Variants in SPHKAP observed in about 807,000 individuals in gnomAD.
The protein encoded by SPHKAP is A-kinase anchor protein SPHKAP.
Under a neutral mutation model 137.5 loss-of-function variants are expected in SPHKAP, and 67 were observed. The ratio of observed to expected loss-of-function variants is 0.49; its 90% CI spans 0.40 to 0.60. The LOEUF is 0.60. Ranked by LOEUF, SPHKAP falls within the 20% of genes least tolerant of loss-of-function variation. SPHKAP has a pLI of 0.00. For missense variants in SPHKAP, 2,097 were observed against 2,069.3 expected, an observed-to-expected ratio of 1.01 and a Z score of -0.26; for synonymous variants, 813 against 785.3, an observed-to-expected ratio of 1.04 and a Z score of -0.59.
intron 11 of SPHKAP, among the ~76,000 whole-genome samples, chr2:227,987,566 A>G (rs939341685): frequency 6.6e-6 from 1 of 152,192 alleles, no homozygotes; most frequent in Non-Finnish European, 1.5e-5. Context: ...AATTAGATAA[A>G]ACACAAGTGA....
chr2:228,114,887 G>T (rs1574862301), intron 2 of SPHKAP, among the ~76,000 whole-genome samples: 2 of 152,228 alleles, frequency 1.3e-5, no homozygotes, highest in South Asian at 4.1e-4. Flanking sequence ...TCTAGAGAAA[G>T]AACAAGCACT....
chr2:227,987,817 T>A (rs1469346438), intron 11 of SPHKAP, among the ~76,000 whole-genome samples: 1 of 152,174 alleles, frequency 6.6e-6, no homozygotes, highest in African/African-American at 2.4e-5. Flanking sequence ...GCAAGAAGGT[T>A]AGTAAATTGG....
At chr2:228,096,911 T>TG (rs1559171720) in intron 3 of SPHKAP, among the ~76,000 whole-genome samples, 1 of 152,250 alleles carries the variant, frequency 6.6e-6, no homozygotes, top group African/African-American at 2.4e-5. Context: ...ACATACATCC[T>TG]GGGGGTGTCA....
intron 3 of SPHKAP, among the ~76,000 whole-genome samples, chr2:228,038,875 C>G (rs1406736758): frequency 6.6e-6 from 1 of 152,178 alleles, no homozygotes; most frequent in Non-Finnish European, 1.5e-5. Flanking sequence ...AGTCAATAAA[C>G]AGTTTTCTTC....
At chr2:228,121,336 C>A (rs993142732) in intron 2 of SPHKAP, among the ~76,000 whole-genome samples, 1 of 151,972 alleles carries the variant, frequency 6.6e-6, no homozygotes, top group East Asian at 1.9e-4. Context: ...ATTGTGAAAC[C>A]CTGTCTCTAC....
chr2:228,036,679 T>A (rs866616563), intron 3 of SPHKAP, among the ~76,000 whole-genome samples: 8 of 152,058 alleles, frequency 5.3e-5, no homozygotes, highest in Non-Finnish European at 1.0e-4. Context: ...GTGGCACATA[T>A]ACACCATGGA....
At chr2:228,048,143 C>G (rs759418516) in intron 3 of SPHKAP, among the ~76,000 whole-genome samples, 2 of 152,030 alleles carry the variant, frequency 1.3e-5, no homozygotes, top group Non-Finnish European at 2.9e-5. Flanking sequence ...CCTTGAAATC[C>G]CTTTTGATTA....
intron 1 of SPHKAP, among the ~76,000 whole-genome samples, chr2:228,178,945 A>C (rs1700820242): frequency 6.6e-6 from 1 of 152,164 alleles, no homozygotes; most frequent in Non-Finnish European, 1.5e-5. Context: ...TAAAAAAAAA[A>C]AACATGTTTT....
At chr2:228,040,622 G>T (rs1225730993) in intron 3 of SPHKAP, among the ~76,000 whole-genome samples, 2 of 151,832 alleles carry the variant, frequency 1.3e-5, no homozygotes, top group Non-Finnish European at 2.9e-5. Context: ...CAATTCTGGG[G>T]GAAGCTCTTC....
At chr2:228,176,730 G>T (rs1687491901) in intron 1 of SPHKAP, among the ~76,000 whole-genome samples, 1 of 152,170 alleles carries the variant, frequency 6.6e-6, no homozygotes, top group South Asian at 2.1e-4. Flanking sequence ...AATTAGCCGG[G>T]CGTGGTGGCG....
chr2:228,022,378 T>A (rs1694874337), intron 5 of SPHKAP: 1 of 156,512 alleles, frequency 6.4e-6, no homozygotes, highest in African/African-American at 2.4e-5. Context: ...ATGGGGGAGA[T>A]CATAGGTCAT....
At chr2:228,091,727 T>C (rs574568800) in intron 3 of SPHKAP, among the ~76,000 whole-genome samples, 1 of 152,260 alleles carries the variant, frequency 6.6e-6, no homozygotes, top group South Asian at 2.1e-4. Context: ...TGATACCACC[T>C]TACTCCTGCA....
intron 3 of SPHKAP, among the ~76,000 whole-genome samples, chr2:228,089,296 T>A (rs1273289426): frequency 6.6e-6 from 1 of 152,180 alleles, no homozygotes; most frequent in Admixed American, 6.5e-5. Flanking sequence ...AAGTATGAAC[T>A]TAAGAGTGAT....
intron 3 of SPHKAP, among the ~76,000 whole-genome samples, chr2:228,048,212 G>T (rs1268140534): frequency 6.6e-6 from 1 of 152,102 alleles, no homozygotes; most frequent in Non-Finnish European, 1.5e-5. Context: ...ATTTCCACAA[G>T]GTTAGCTTGC....
At chr2:228,170,473 T>G (rs1700550083) in intron 1 of SPHKAP, among the ~76,000 whole-genome samples, 1 of 152,034 alleles carries the variant, frequency 6.6e-6, no homozygotes, top group East Asian at 1.9e-4. Flanking sequence ...GGAGCAAGCA[T>G]TTTTGTTTTC....
chr2:228,015,170 G>A (rs1389284354), intron 7 of SPHKAP, among the ~76,000 whole-genome samples: 1 of 149,878 alleles, frequency 6.7e-6, no homozygotes, highest in Admixed American at 6.7e-5. Flanking sequence ...AACATGCAGT[G>A]TTTGGTTTTT....
chr2:228,085,818 G>A (rs1024565811), intron 3 of SPHKAP, among the ~76,000 whole-genome samples: 1 of 151,070 alleles, frequency 6.6e-6, no homozygotes, highest in African/African-American at 2.4e-5. Flanking sequence ...TTTTTTTTCT[G>A]AGAGAAAATC....
intron 3 of SPHKAP, among the ~76,000 whole-genome samples, chr2:228,057,478 C>G (rs1484763694): frequency 6.6e-6 from 1 of 152,060 alleles, no homozygotes; most frequent in Non-Finnish European, 1.5e-5. Context: ...GAAATCACAA[C>G]TACAAGAGAG....
chr2:228,116,801 A>G (rs1354177274), intron 2 of SPHKAP, among the ~76,000 whole-genome samples: 2 of 152,144 alleles, frequency 1.3e-5, no homozygotes, highest in African/African-American at 4.8e-5. Flanking sequence ...AATGTTTAAG[A>G]TACTGCATTT....
Sources: gnomAD v4.1 joint callset for allele counts (sites outside exome capture counted in the v4.1 genomes callset) on GRCh38, gnomAD v4.1.1 for gene constraint, MANE v1.5 for transcripts, NCBI Gene and HGNC (gene_info 2026-07-23, HGNC 2026-07-21) for gene names.